Variants in TTC7A observed in about 807,000 individuals in gnomAD.
The protein encoded by TTC7A is tetratricopeptide repeat protein 7A.
A neutral mutation model predicts 103.7 loss-of-function variants in TTC7A; 110 were observed. The ratio of observed to expected loss-of-function variants is 1.06; its 90% CI spans 0.91 to 1.24. TTC7A has a LOEUF of 1.24. Among genes scored for constraint, TTC7A ranks in the 50% most tolerant of loss-of-function variants. TTC7A has a pLI of 0.00. For missense variants in TTC7A, 1,340 were observed against 1,116.3 expected, an observed-to-expected ratio of 1.20 and a Z score of -2.86; for synonymous variants, 521 against 467.9, an observed-to-expected ratio of 1.11 and a Z score of -1.47.
At chr2:47,064,499 G>A (rs971068373) in intron 19 of TTC7A, among the ~76,000 whole-genome samples, 2 of 152,242 alleles carry the variant, frequency 1.3e-5, no homozygotes, top group South Asian at 2.1e-4. Context: ...CCCAGAATGC[G>A]CAGGAGTCGC....
At chr2:46,995,331 T>C in intron 8 of TTC7A, 132 bp downstream of exon 8, 1 of 886,274 alleles carries the variant, frequency 1.1e-6, no homozygotes, top group Non-Finnish European at 1.8e-6. Flanking sequence ...AGTAGATGCT[T>C]CTTGGCCCTG....
intron 15 of TTC7A, among the ~76,000 whole-genome samples, chr2:47,038,981 T>A (rs1681455739): frequency 6.6e-6 from 1 of 152,110 alleles, no homozygotes; most frequent in Non-Finnish European, 1.5e-5. Context: ...GGAAGACAGG[T>A]CTGACAACAG....
chr2:47,046,305 G>A lies in TTC7A; in HGVS notation c.1803-10G>A, dbSNP rs111758559. The A allele has an allele frequency of 1.5e-4, 249 of 1,611,582 alleles. No homozygotes were observed. Among genetic ancestry groups the A allele is most frequent in the African/African-American group, 7.2e-4 (54 of 74,996 alleles). ...TGGGGTGTGCTGATGGCCACTCTCC[G>A]TCCCCACAGCCTGATGTTCACCAAG... On this transcript the variant is annotated splice_polypyrimidine_tract_variant and intron_variant, in intron 15 of 19. Transcript: ENST00000319190.
intron 19 of TTC7A, among the ~76,000 whole-genome samples, chr2:47,066,476 C>G (rs1265317399): frequency 6.6e-6 from 1 of 150,828 alleles, no homozygotes; most frequent in African/African-American, 2.5e-5. Context: ...CAAGAAGGCT[C>G]TGGTCTCTAA....
intron 15 of TTC7A, among the ~76,000 whole-genome samples, chr2:47,031,007 TG>T (rs1374723343): frequency 2.6e-5 from 4 of 152,116 alleles, no homozygotes; most frequent in Non-Finnish European, 5.9e-5. Flanking sequence ...ATTAGCTCGG[TG>T]TGATGGCAGG....
At chr2:47,028,583 G>T (rs1307475263) in intron 14 of TTC7A, among the ~76,000 whole-genome samples, 1 of 152,154 alleles carries the variant, frequency 6.6e-6, no homozygotes, top group African/African-American at 2.4e-5. Context: ...CCCACCACAT[G>T]GAAGGAAAGG....
chr2:47,073,887 T>G lies in TTC7A; in HGVS notation c.2541T>G (p.Pro847=). The part of the protein sequence containing the change: ...LTALELEASS[P]VLPFSIIPRE... ...CCCTTGAGCTGGAGGCCAGCAGCCC[T>G]GTACTGCCCTTCTCCATCATCCCCA... The change falls in exon 20 of 20, where the codon CCT becomes CCG. Residue 847 remains proline (P), a synonymous_variant. Transcript: ENST00000319190. The G allele has an allele frequency of 6.2e-7, 1 of 1,613,272 alleles. No individual in the cohort carries two copies.
chr2:47,059,609 C>A (rs1363378832), intron 18 of TTC7A, among the ~76,000 whole-genome samples: 1 of 152,122 alleles, frequency 6.6e-6, no homozygotes, highest in Non-Finnish European at 1.5e-5. Context: ...GACCAAGGGG[C>A]CCAAAGAGAG....
chr2:47,046,949 A>G, intron 16 of TTC7A: 1 of 307,110 alleles, frequency 3.3e-6, no homozygotes, highest in Non-Finnish European at 6.0e-6. Context: ...TGTACTCCTG[A>G]AGGGCCACCC....
chr2:47,042,615 T>C (rs184776422), intron 15 of TTC7A, among the ~76,000 whole-genome samples: 1 of 152,306 alleles, frequency 6.6e-6, no homozygotes, highest in South Asian at 2.1e-4. Flanking sequence ...AAGTATATTT[T>C]GGGGTGGCAT....
At chr2:47,064,833 T>C (rs1488326294) in intron 19 of TTC7A, among the ~76,000 whole-genome samples, 1 of 152,242 alleles carries the variant, frequency 6.6e-6, no homozygotes, top group African/African-American at 2.4e-5. Context: ...GGTTTCCCAG[T>C]GTAAGGAAGG....
chr2:47,022,243 C>T (rs1558589190), intron 12 of TTC7A, among the ~76,000 whole-genome samples: 1 of 152,226 alleles, frequency 6.6e-6, no homozygotes, highest in Non-Finnish European at 1.5e-5. Context: ...GGCCTCAAGG[C>T]CCAGCCACAG....
chr2:46,946,873 G>A (rs2103940518), intron 1 of TTC7A, among the ~76,000 whole-genome samples: 1 of 152,292 alleles, frequency 6.6e-6, no homozygotes, highest in East Asian at 1.9e-4. Context: ...AGCAAAGGAG[G>A]AAAAGAAAGT....
At position 46,978,871 on chromosome 2, in the gene TTC7A, C is replaced by A; in HGVS notation, c.728C>A (p.Ala243Asp). 3 of 1,614,034 alleles carry A rather than the reference C, an allele frequency of 1.9e-6. No individual in the cohort carries two copies. The South Asian group carries it at 3.3e-5, about 18-fold the overall frequency. The change falls in exon 5 of 20, where the codon GCC becomes GAC. Residue 243 changes from alanine (A) to aspartate (D), a missense_variant. Coordinates refer to ENST00000319190, the MANE Select transcript of TTC7A (RefSeq NM_020458.4). ...GAGCTCACCTACTTCCTGGAAGCTG[C>A]CCTCCAGAGCGCCTATGTGAAAAAC... ...DYELTYFLEA[A>D]LQSAYVKNLK...
At chr2:47,057,103 G>A (rs1683386375) in intron 18 of TTC7A, among the ~76,000 whole-genome samples, 1 of 152,236 alleles carries the variant, frequency 6.6e-6, no homozygotes, top group Non-Finnish European at 1.5e-5. Flanking sequence ...TCTGACCATG[G>A]CTAGCAAAGC....
intron 19 of TTC7A, among the ~76,000 whole-genome samples, chr2:47,072,955 G>A (rs1407014371): frequency 1.3e-5 from 2 of 152,136 alleles, no homozygotes; most frequent in Non-Finnish European, 2.9e-5. Context: ...CTATCTCTTT[G>A]GTAACAGGGT....
Position 47,007,184 on chromosome 2 carries a change from C to T in TTC7A, c.1287+460C>T, listed in dbSNP as rs116917059. Reference sequence around the variant, plus strand: ...AAAGGGCAGAGCAGAACAGCAGCACCCACAAGGGAGTTCGGAGGGAGTACT... The same window carrying T: ...AAAGGGCAGAGCAGAACAGCAGCACTCACAAGGGAGTTCGGAGGGAGTACT... On this transcript the variant is annotated intron_variant, in intron 10 of 19. Coordinates refer to ENST00000319190, the MANE Select transcript of TTC7A (RefSeq NM_020458.4). This position sits in a 1 kb window ranked among gnomAD's most constrained non-coding sequence, Gnocchi z 4.9. Among the ~76,000 whole-genome samples the T allele has an allele frequency of 5.3e-4, 81 of 152,180 alleles. No homozygotes were observed. The highest frequency in any genetic ancestry group is 3.9e-3 in the Admixed American group (60 of 15,284).
At chr2:46,927,041 GA>G (rs1669419867) in intron 2 of TTC7A, among the ~76,000 whole-genome samples, 1 of 152,006 alleles carries the variant, frequency 6.6e-6, no homozygotes, top group South Asian at 2.1e-4. Flanking sequence ...TATGCCAGAG[GA>G]AACTATTGTA....
chr2:47,031,615 T>C (rs554812099), intron 15 of TTC7A, among the ~76,000 whole-genome samples: 2 of 152,240 alleles, frequency 1.3e-5, no homozygotes, highest in Non-Finnish European at 2.9e-5. Context: ...GAAATCTTCC[T>C]TGGAAACTGA....
Sources: gnomAD v4.1 joint callset for allele counts (sites outside exome capture counted in the v4.1 genomes callset) on GRCh38, gnomAD v4.1.1 for gene constraint, Gnocchi (gnomAD v3.1) non-coding constraint, MANE v1.5 for transcripts, NCBI Gene and HGNC (gene_info 2026-07-23, HGNC 2026-07-21) for gene names.